Variants in ZNF454 observed in about 807,000 individuals in gnomAD.
The protein encoded by ZNF454 is zinc finger protein 454.
Under a neutral mutation model 48.2 loss-of-function variants are expected in ZNF454, and 30 were observed. The ratio of observed to expected loss-of-function variants is 0.62; its 90% CI spans 0.47 to 0.84. The LOEUF (loss-of-function observed/expected upper bound fraction) is 0.84, where lower values mean the gene tolerates loss of function less well. Ranked by LOEUF, ZNF454 falls within the 40% of genes least tolerant of loss-of-function variation. The pLI, the probability that ZNF454 is intolerant of heterozygous loss-of-function variation, is 0.00. For missense variants in ZNF454, 510 were observed against 623.1 expected (o/e 0.82, Z 1.93); for synonymous variants, 204 against 211.4 (o/e 0.97, Z 0.30).
chr5:178,981,784 T>C, the ZNF454 span: 4 of 1,612,784 alleles, frequency 2.5e-6, no homozygotes, highest in East Asian at 8.9e-5. This position sits in a 1 kb window ranked among gnomAD's most constrained non-coding sequence, Gnocchi z 5.1. Flanking sequence ...TTTGGGTACG[T>C]AGAGCATGCC....
intron 4 of ZNF454, among the ~76,000 whole-genome samples, chr5:178,952,234 T>G (rs1029510879): frequency 4.6e-5 from 7 of 152,278 alleles, no homozygotes; most frequent in African/African-American, 1.7e-4. Flanking sequence ...AGACGGGGTT[T>G]CACCGTTTTA....
chr5:178,950,787 T>A (rs1053627295), intron 4 of ZNF454, among the ~76,000 whole-genome samples: 3 of 152,066 alleles, frequency 2.0e-5, no homozygotes, highest in Admixed American at 6.6e-5. Flanking sequence ...TATTATGTCC[T>A]CTTATTTCCA....
At chr5:178,984,916 T>C in the ZNF454 span, among the ~76,000 whole-genome samples, 1 of 152,022 alleles carries the variant, frequency 6.6e-6, no homozygotes, top group East Asian at 1.9e-4. Flanking sequence ...TCACACCAGG[T>C]CACCCTCCCC....
chr5:178,989,551 T>C, the ZNF454 span: 2 of 1,036,660 alleles, frequency 1.9e-6, no homozygotes, highest in Non-Finnish European at 3.0e-6. Context: ...CCAGGTGAGC[T>C]AGGAGTGGCC....
chr5:178,956,682 TA>T (rs1554110660), intron 4 of ZNF454, among the ~76,000 whole-genome samples: 1 of 102,600 alleles, frequency 9.7e-6, no homozygotes, highest in South Asian at 3.1e-4. Context: ...TTAATTTATT[TA>T]TTTATTTATT....
chr5:178,969,974 C>T (rs1760216113), downstream of ZNF454, among the ~76,000 whole-genome samples: 1 of 152,194 alleles, frequency 6.6e-6, no homozygotes, highest in African/African-American at 2.4e-5. Context: ...GGTTCTTTCT[C>T]CCTGCCTGCC....
intron 4 of ZNF454, chr5:178,957,018 G>A: frequency 5.6e-6 from 1 of 177,600 alleles, no homozygotes; most frequent in South Asian, 9.4e-5. Flanking sequence ...CGAGTAGCTG[G>A]GACTACAGGC....
chr5:178,975,672 C>A, the ZNF454 span: 1 of 420,192 alleles, frequency 2.4e-6, no homozygotes, highest in Non-Finnish European at 5.0e-6. Flanking sequence ...CCTACAGGGC[C>A]ACACATGGTA....
chr5:178,941,355 C>G lies in ZNF454; in HGVS notation c.-197C>G, dbSNP rs1340945721. ...AGAGCGGGAGCGGTCGTGAGGTCGT[C>G]TGGGGAGAAGGGCGGAGGCAAAGCC... On this transcript the variant is annotated 5_prime_UTR_variant, in exon 1 of 5. Coordinates refer to ENST00000519564, the MANE Select transcript of ZNF454 (RefSeq NM_001178089.3). This position sits in a 1 kb window ranked among gnomAD's most constrained non-coding sequence, Gnocchi z 5.5. The G allele has an allele frequency of 4.6e-5, 21 of 454,828 alleles. No homozygotes were observed. Among genetic ancestry groups the G allele is most frequent in the Non-Finnish European group, 2.7e-5 (6 of 226,068 alleles). 28.2% of individuals were successfully genotyped at this position (454,828 alleles called of 1,614,324 possible). A position where few individuals can be genotyped will look rare whatever the true frequency, so the allele number is the denominator to read the frequency against.
In ZNF454 at chr5:178,941,953, A is replaced by G. The variant is rs1371838699; in HGVS notation, c.-108+509A>G. On this transcript the variant is annotated intron_variant, in intron 1 of 4. Transcript: ENST00000519564. The surrounding 1 kb of genome is among the most constrained non-coding windows in gnomAD (Gnocchi z 5.5). ...ACCCTCCTTTTCCTCTTCTCCTGTC[A>G]CTGCCAGATAAGGCAGCTGTTCCAA... is the stretch of plus-strand genomic sequence containing the variant. Among the ~76,000 whole-genome samples the G allele has an allele frequency of 1.3e-5, 2 of 151,744 alleles. No homozygotes were observed. The highest frequency in any genetic ancestry group is 2.1e-4 in the South Asian group (1 of 4,812).
chr5:178,942,830 T>C lies in ZNF454; in HGVS notation c.33+6T>C. ...ACCTGCCAACCATGGTCCAGGTGAG[T>C]GGGGGTTTCTTCCCCCTAAATTGCT... is the stretch of plus-strand genomic sequence containing the variant. On this transcript the variant is annotated splice_donor_region_variant and intron_variant, in intron 2 of 4. Coordinates refer to ENST00000519564, the MANE Select transcript of ZNF454 (RefSeq NM_001178089.3). 1 of 1,611,428 alleles carries C rather than the reference T, an allele frequency of 6.2e-7. No homozygotes were observed. The highest frequency in any genetic ancestry group is 1.3e-5 in the African/African-American group (1 of 74,892).
At chr5:178,956,371 C>T (rs1234175913) in intron 4 of ZNF454, among the ~76,000 whole-genome samples, 1 of 152,062 alleles carries the variant, frequency 6.6e-6, no homozygotes, top group Non-Finnish European at 1.5e-5. Flanking sequence ...CCCTCATTGC[C>T]TATCCAGGCA....
the ZNF454 span, chr5:178,986,727 G>GTC: frequency 6.2e-7 from 1 of 1,605,406 alleles, no homozygotes; most frequent in Non-Finnish European, 8.5e-7. Context: ...CCTCGTGGGG[G>GTC]TCGCCAGACC....
At chr5:178,986,268 G>A in the ZNF454 span, 2 of 1,614,182 alleles carry the variant, frequency 1.2e-6, no homozygotes, top group Non-Finnish European at 1.7e-6. Context: ...AGTAGCTGAG[G>A]GTCGTGCCCA....
chr5:178,951,653 T>A (rs1343183244), intron 4 of ZNF454, among the ~76,000 whole-genome samples: 1 of 152,244 alleles, frequency 6.6e-6, no homozygotes, highest in Admixed American at 6.5e-5. Flanking sequence ...TGATATACCT[T>A]ACTTTATCCA....
chr5:178,969,620 T>G (rs1395455332), downstream of ZNF454: 1 of 456,710 alleles, frequency 2.2e-6, no homozygotes, highest in Non-Finnish European at 4.4e-6. Context: ...TACACAAGAC[T>G]GCTCTGGTAC....
At chr5:178,979,707 A>G in the ZNF454 span, 2 of 152,240 alleles carry the variant, frequency 1.3e-5, no homozygotes, top group Non-Finnish European at 2.9e-5. Context: ...ATGAATGTAA[A>G]ACTGTGGAAA....
the ZNF454 span, among the ~76,000 whole-genome samples, chr5:178,972,552 A>G: frequency 1.6e-4 from 25 of 152,170 alleles, no homozygotes; most frequent in South Asian, 1.4e-3. Flanking sequence ...CCCATACCAC[A>G]TGATCCAAGA....
At chr5:178,981,600 C>T in the ZNF454 span, 3 of 1,388,952 alleles carry the variant, frequency 2.2e-6, no homozygotes, top group Admixed American at 1.7e-5. The surrounding 1 kb of genome is among the most constrained non-coding windows in gnomAD (Gnocchi z 5.1). Flanking sequence ...CAGCTTCCAC[C>T]TCGAGGCAAG....
Sources: allele counts gnomAD v4.1 joint callset (sites outside exome capture counted in the v4.1 genomes callset), GRCh38; gene constraint gnomAD v4.1.1; non-coding constraint Gnocchi (gnomAD v3.1); transcripts MANE v1.5; gene names NCBI Gene and HGNC (gene_info 2026-07-23, HGNC 2026-07-21).